The following RNF217 variants were observed in gnomAD, a reference collection of about 807,000 sequenced individuals.
RNF217 encodes E3 ubiquitin-protein ligase RNF217.
A neutral mutation model predicts 57.8 loss-of-function variants in RNF217; 31 were observed. That is an observed-to-expected ratio of 0.54 (90% CI 0.40 to 0.72). The LOEUF (loss-of-function observed/expected upper bound fraction) is 0.72. RNF217 is among the 30% of genes least tolerant of loss of function. The pLI, the probability that RNF217 is intolerant of heterozygous loss-of-function variation, is 0.00. For synonymous variants in RNF217, 313 were observed against 294.0 expected (o/e 1.06, Z -0.66); for missense variants, 696 against 708.3 (o/e 0.98, Z 0.20).
intron 1 of RNF217, among the ~76,000 whole-genome samples, chr6:125,042,116 A>G (rs1421759481): frequency 6.6e-6 from 1 of 152,126 alleles, no homozygotes; most frequent in African/African-American, 2.4e-5. Context: ...AAATTTTCTG[A>G]AAAAGATATG....
chr6:125,077,259 C>T (rs1324804870), intron 4 of RNF217, among the ~76,000 whole-genome samples: 6 of 152,136 alleles, frequency 3.9e-5, no homozygotes, highest in African/African-American at 1.2e-4. Flanking sequence ...CAGCATGGAG[C>T]GTAGCCTAGG....
At chr6:125,071,482 ATATGTGTGTGTGTGTGTGTGTGTG>A (rs1223218938) in intron 3 of RNF217, among the ~76,000 whole-genome samples, 1 of 122,266 alleles carries the variant, frequency 8.2e-6, no homozygotes, top group African/African-American at 3.0e-5. Flanking sequence ...ATCTGCCTAC[ATATGTGTGTGTGTGTGTGTGTGTG>A]TGTGTGTGTG....
intron 4 of RNF217, among the ~76,000 whole-genome samples, chr6:125,077,902 T>C (rs767635931): frequency 9.9e-5 from 15 of 152,182 alleles, no homozygotes; most frequent in Non-Finnish European, 1.9e-4. Flanking sequence ...AAGCATATGA[T>C]ACCTGATCAG....
intron 1 of RNF217, among the ~76,000 whole-genome samples, chr6:124,984,643 G>GT (rs957362621): frequency 1.3e-5 from 2 of 151,724 alleles, no homozygotes; most frequent in Admixed American, 6.6e-5. Context: ...AAAAAATTAG[G>GT]TTTTTTTTAA....
chr6:124,971,510 C>G, intron 1 of RNF217: 1 of 320,044 alleles, frequency 3.1e-6, no homozygotes, highest in Non-Finnish European at 6.2e-6. Context: ...GGCTGGAGTG[C>G]AGTGGCATGA....
intron 1 of RNF217, among the ~76,000 whole-genome samples, chr6:124,967,919 C>T (rs1783610567): frequency 6.6e-6 from 1 of 152,044 alleles, no homozygotes; most frequent in African/African-American, 2.4e-5. Flanking sequence ...GCTGGGATTA[C>T]AGGTGCATGC....
intron 4 of RNF217, among the ~76,000 whole-genome samples, chr6:125,077,254 T>C (rs1041985117): frequency 3.3e-5 from 5 of 152,138 alleles, no homozygotes; most frequent in African/African-American, 4.8e-5. Context: ...CAGTACAGCA[T>C]GGAGCGTAGC....
At chr6:125,038,818 A>G (rs1786757033) in intron 1 of RNF217, among the ~76,000 whole-genome samples, 2 of 152,010 alleles carry the variant, frequency 1.3e-5, no homozygotes, top group South Asian at 2.1e-4. Context: ...GGGTGTATTA[A>G]TGATCTTTTT....
At chr6:125,022,296 A>T (rs2114419977) in intron 1 of RNF217, among the ~76,000 whole-genome samples, 1 of 152,350 alleles carries the variant, frequency 6.6e-6, no homozygotes, top group East Asian at 1.9e-4. Context: ...CAGTTATGTA[A>T]AATTTATATA....
intron 2 of RNF217, among the ~76,000 whole-genome samples, chr6:125,057,176 A>ATTG (rs1001106572): frequency 3.9e-5 from 6 of 151,934 alleles, no homozygotes; most frequent in African/African-American, 1.5e-4. Flanking sequence ...CTGTGTTTTT[A>ATTG]TTGTTGTTGT....
intron 1 of RNF217, among the ~76,000 whole-genome samples, chr6:125,032,885 T>A (rs1002608722): frequency 1.3e-5 from 2 of 152,156 alleles, no homozygotes; most frequent in Admixed American, 6.6e-5. Flanking sequence ...AACATTAATA[T>A]CTCATTAATT....
At chr6:124,966,440 A>G (rs181004048) in intron 1 of RNF217, among the ~76,000 whole-genome samples, 3 of 152,334 alleles carry the variant, frequency 2.0e-5, no homozygotes, top group Admixed American at 6.5e-5. Flanking sequence ...TTTCTTTCTC[A>G]TCTTAAAAGG....
chr6:125,054,954 G>A (rs1277434697), intron 2 of RNF217, among the ~76,000 whole-genome samples: 1 of 152,116 alleles, frequency 6.6e-6, no homozygotes, highest in African/African-American at 2.4e-5. Context: ...CATGTGGTGG[G>A]TATGTGGTTG....
chr6:124,995,634 T>C (rs1045781489), intron 1 of RNF217, among the ~76,000 whole-genome samples: 1 of 152,108 alleles, frequency 6.6e-6, no homozygotes, highest in Non-Finnish European at 1.5e-5. Flanking sequence ...TTGAAAAACA[T>C]TTGGAGGGCG....
At chr6:125,003,747 A>G (rs1312759606) in intron 1 of RNF217, among the ~76,000 whole-genome samples, 5 of 152,170 alleles carry the variant, frequency 3.3e-5, no homozygotes, top group Non-Finnish European at 7.3e-5. Context: ...TAGTTATAGC[A>G]AAGGAAAAAC....
intron 3 of RNF217, among the ~76,000 whole-genome samples, chr6:125,071,183 T>A (rs772287419): frequency 6.6e-6 from 1 of 152,180 alleles, no homozygotes. Flanking sequence ...TCTGACATGA[T>A]TTCGACTTTT....
chr6:124,963,977 C>T (rs6569406), intron 1 of RNF217, among the ~76,000 whole-genome samples: 129,415 of 152,230 alleles, frequency 0.85, 55,058 homozygotes, highest in Admixed American at 0.89. Context: ...AAGTACTTTT[C>T]TTTCACTGAG....
In RNF217 at chr6:125,058,888, A is replaced by G. The variant is rs542685234; in HGVS notation, c.1281+782A>G. 3.9e-5 allele frequency among the ~76,000 whole-genome samples: 6 copies of G among 152,250 alleles called. No homozygotes were observed. The South Asian group carries it at 6.2e-4, about 16-fold the overall frequency. ...GTACCCTTTGCCTTATGTGGTTCCT[A>G]CCCTTTGCCAAATTTATTTTTGGAA... is the stretch of plus-strand genomic sequence containing the variant. On this transcript the variant is annotated intron_variant, in intron 3 of 5. Coordinates refer to ENST00000521654, the MANE Select transcript of RNF217 (RefSeq NM_001286398.3).
chr6:125,008,467 G>A (rs1931657), intron 1 of RNF217, among the ~76,000 whole-genome samples: 143,366 of 152,232 alleles, frequency 0.94, 67,562 homozygotes, highest in Admixed American at 0.96. Flanking sequence ...TCCATGAATC[G>A]CATGCATACT....
Sources: allele counts gnomAD v4.1 joint callset (sites outside exome capture counted in the v4.1 genomes callset), GRCh38; gene constraint gnomAD v4.1.1; transcripts MANE v1.5; gene names NCBI Gene and HGNC (gene_info 2026-07-23, HGNC 2026-07-21).